Variants in SIK2 observed in about 807,000 individuals in gnomAD.
The protein encoded by SIK2 is salt inducible kinase 2.
In SIK2, 29 loss-of-function variants were observed where a neutral mutation model predicts 103.2. The ratio of observed to expected loss-of-function variants is 0.28; its 90% confidence interval spans 0.21 to 0.38. The LOEUF (loss-of-function observed/expected upper bound fraction) is 0.38, where lower values mean the gene tolerates loss of function less well. SIK2 is among the 10% of genes least tolerant of loss of function. The pLI is 1.00. For synonymous variants in SIK2, 412 were observed against 446.1 expected, an observed-to-expected ratio of 0.92 and a Z score of 0.96; for missense variants, 879 against 1,171.0, an observed-to-expected ratio of 0.75 and a Z score of 3.64.
chr11:111,628,474 T>C (rs939306620), intron 3 of SIK2, among the ~76,000 whole-genome samples: 1 of 63,744 alleles, frequency 1.6e-5, no homozygotes, highest in Non-Finnish European at 4.5e-5. Context: ...GATCTCACTC[T>C]GTCACCCATT....
At chr11:111,714,455 C>T (rs1407600347) in intron 9 of SIK2, among the ~76,000 whole-genome samples, 4 of 152,178 alleles carry the variant, frequency 2.6e-5, no homozygotes, top group Non-Finnish European at 5.9e-5. Flanking sequence ...GAAAGTTAGC[C>T]TGCATATCAC....
intron 3 of SIK2, among the ~76,000 whole-genome samples, chr11:111,664,351 G>A (rs1339979359): frequency 6.6e-6 from 1 of 152,086 alleles, no homozygotes; most frequent in African/African-American, 2.4e-5. Context: ...GGCCAGGCAC[G>A]GTGGCTCACA....
At chr11:111,721,597 A>T (rs543260841) in intron 12 of SIK2, among the ~76,000 whole-genome samples, 1 of 152,330 alleles carries the variant, frequency 6.6e-6, no homozygotes, top group African/African-American at 2.4e-5. Context: ...TGGTGACACC[A>T]AGAGTCTTTG....
chr11:111,659,921 C>T (rs182290748), intron 3 of SIK2, among the ~76,000 whole-genome samples: 18 of 152,358 alleles, frequency 1.2e-4, no homozygotes, highest in Admixed American at 1.1e-3. Context: ...TCTCCTCACT[C>T]TGCCAGCCTC....
At position 111,602,787 on chromosome 11, in the gene SIK2, G is replaced by T. The variant is rs1941601113; in HGVS notation, c.135+89G>T. 4.3e-6 allele frequency: 6 copies of T among 1,394,118 alleles called. No homozygotes were observed. The highest frequency in any genetic ancestry group is 4.6e-6 in the Non-Finnish European group (5 of 1,076,864). 86.4% of individuals were successfully genotyped at this position (1,394,118 alleles called of 1,614,324 possible). A position where few individuals can be genotyped will look rare whatever the true frequency, so the allele number is the denominator to read the frequency against. On this transcript the variant is annotated intron_variant, in intron 1 of 14. Coordinates refer to ENST00000304987, the MANE Select transcript of SIK2 (RefSeq NM_015191.3). This position sits in a 1 kb window ranked among gnomAD's most constrained non-coding sequence, Gnocchi z 4.5. ...GAGGGGCGGCCGCAGTGGTGGGACC[G>T]GGGAGACCCGAGAGGCCGCCTCACT...
chr11:111,691,434 T>C (rs1942939522), intron 4 of SIK2, among the ~76,000 whole-genome samples: 1 of 152,080 alleles, frequency 6.6e-6, no homozygotes, highest in Admixed American at 6.6e-5. Context: ...AAAGCTGAGA[T>C]GCAAAGAGAT....
chr11:111,690,815 T>C (rs929038860), intron 4 of SIK2, among the ~76,000 whole-genome samples: 2 of 152,230 alleles, frequency 1.3e-5, no homozygotes, highest in African/African-American at 4.8e-5. Flanking sequence ...CTGCGTAGTA[T>C]TCCATTGTGT....
chr11:111,654,052 A>G lies in SIK2; in HGVS notation c.316+33650A>G, dbSNP rs539809674. Among the ~76,000 whole-genome samples, 4 of 152,332 alleles carry G rather than the reference A, an allele frequency of 2.6e-5. No individual in the cohort carries two copies. The South Asian group carries it at 8.3e-4, about 32-fold the overall frequency. On this transcript the variant is annotated intron_variant, in intron 3 of 14. Coordinates refer to ENST00000304987, the MANE Select transcript of SIK2 (RefSeq NM_015191.3). ...AAGACTGTGAGGAAAGCAAATATAG[A>G]AATTTCTTAGGGAAAACATGATTGT...
intron 9 of SIK2, among the ~76,000 whole-genome samples, chr11:111,719,499 C>A (rs192597781): frequency 3.2e-4 from 48 of 151,448 alleles, no homozygotes; most frequent in African/African-American, 9.4e-4. Context: ...TTCTGGAAAC[C>A]ACTAAAAAAG....
Position 111,722,297 on chromosome 11 carries a change from T to C in SIK2, c.2055+357T>C, listed in dbSNP as rs1490474193. Reference sequence around the variant, plus strand: ...TACATGGGCTTTCTATGTTGGTGCATAAAAATCTTAAAAAGCGATAAAGCA... The same window carrying C: ...TACATGGGCTTTCTATGTTGGTGCACAAAAATCTTAAAAAGCGATAAAGCA... On this transcript the variant is annotated intron_variant, in intron 13 of 14. Transcript: ENST00000304987. The surrounding 1 kb of genome is among the most constrained non-coding windows in gnomAD (Gnocchi z 4.4). Among the ~76,000 whole-genome samples the C allele has an allele frequency of 6.6e-6, 1 of 152,200 alleles. No individual in the cohort carries two copies. The highest frequency in any genetic ancestry group is 1.5e-5 in the Non-Finnish European group (1 of 68,026).
intron 3 of SIK2, chr11:111,671,392 C>A: frequency 4.0e-6 from 1 of 251,792 alleles, no homozygotes; most frequent in South Asian, 5.0e-5. Flanking sequence ...ACATACTGCT[C>A]AGCATCTGAT....
chr11:111,631,921 A>G (rs1477668714), intron 3 of SIK2, among the ~76,000 whole-genome samples: 1 of 152,218 alleles, frequency 6.6e-6, no homozygotes, highest in Non-Finnish European at 1.5e-5. Context: ...ATGCATTATG[A>G]GGCTCTGATG....
chr11:111,723,557 A>G lies in SIK2; in HGVS notation c.2209A>G (p.Met737Val), dbSNP rs1417720815. 2 of 1,614,196 alleles carry G rather than the reference A, an allele frequency of 1.2e-6. No homozygotes were observed. The highest frequency in any genetic ancestry group is 1.7e-5 in the Admixed American group (1 of 60,026). Residue 737 changes from methionine to valine, a missense_variant, in exon 15 of 15, where the codon ATG becomes GTG. Met to Val is a conservative substitution (Grantham distance 21). Coordinates refer to ENST00000304987, the MANE Select transcript of SIK2 (RefSeq NM_015191.3). ...QSQLQAYFNQ[M>V]QIAESSYPQP... is the part of the protein sequence containing the mutation. ...TCAACTGCAGGCCTATTTTAATCAG[A>G]TGCAGATAGCAGAGAGCTCCTACCC... is the stretch of plus-strand genomic sequence containing the variant.
chr11:111,676,885 T>A (rs1251317651), intron 3 of SIK2, among the ~76,000 whole-genome samples: 2 of 152,232 alleles, frequency 1.3e-5, no homozygotes, highest in African/African-American at 4.8e-5. Context: ...GATGTATTTA[T>A]CTGTGTAAAG....
In SIK2 at chr11:111,719,782, GCTGT is replaced by G; in HGVS notation, c.1278_1281del (p.Leu428ThrfsTer19). 2 of 1,613,028 alleles carry G rather than the reference GCTGT, an allele frequency of 1.2e-6. No homozygotes were observed. The highest frequency in any genetic ancestry group is 1.7e-6 in the Non-Finnish European group (2 of 1,179,740). Reference sequence around the variant, plus strand: ...CTCTCCCCTGGCGTTTAGGTCAATGGCTGTCTGCTTGACCCTGTGCCTCCTGTCC... The same window carrying G: ...CTCTCCCCTGGCGTTTAGGTCAATGGCTGCTTGACCCTGTGCCTCCTGTCC... On this transcript the variant is annotated frameshift_variant, in exon 10 of 15. Transcript: ENST00000304987. LOFTEE classifies it high-confidence loss of function.
At chr11:111,635,505 A>C (rs1005997497) in intron 3 of SIK2, among the ~76,000 whole-genome samples, 1 of 133,382 alleles carries the variant, frequency 7.5e-6, no homozygotes, top group Non-Finnish European at 1.6e-5. Context: ...GAGGGAGGGA[A>C]ATGAGTAACT....
At chr11:111,671,727 C>T (rs1190955990) in intron 3 of SIK2, 8 of 401,002 alleles carry the variant, frequency 2.0e-5, no homozygotes, top group Non-Finnish European at 3.4e-5. Flanking sequence ...AAGTTGATCT[C>T]ATCAGTCAAC....
chr11:111,713,617 G>C (rs1943560205), intron 9 of SIK2, among the ~76,000 whole-genome samples: 1 of 152,148 alleles, frequency 6.6e-6, no homozygotes, highest in Non-Finnish European at 1.5e-5. Context: ...CTATAGCCTA[G>C]CAGAAGAAAC....
At chr11:111,697,269 T>C (rs761104435) in intron 4 of SIK2, among the ~76,000 whole-genome samples, 1 of 152,214 alleles carries the variant, frequency 6.6e-6, no homozygotes, top group Non-Finnish European at 1.5e-5. Flanking sequence ...AATCAGCTCC[T>C]GTCACATAGT....
Sources: gnomAD v4.1 joint callset for allele counts (sites outside exome capture counted in the v4.1 genomes callset) on GRCh38, gnomAD v4.1.1 for gene constraint, Gnocchi (gnomAD v3.1) non-coding constraint, MANE v1.5 for transcripts, NCBI Gene and HGNC (gene_info 2026-07-23, HGNC 2026-07-21) for gene names.